ERBB3: variants seen among roughly 807,000 people sequenced by gnomAD.
ERBB3 encodes the protein receptor tyrosine-protein kinase erbB-3.
Under a neutral mutation model 156.7 loss-of-function variants are expected in ERBB3, and 96 were observed. The ratio of observed to expected loss-of-function variants is 0.61; its 90% confidence interval spans 0.52 to 0.73. ERBB3 has a LOEUF of 0.73. Among genes scored for constraint, ERBB3 ranks in the 30% least tolerant of loss-of-function variants. The probability of loss-of-function intolerance (pLI) is 0.00; values close to 1 mark genes in which losing one functional copy is unlikely to be tolerated. For synonymous variants in ERBB3, 567 were observed against 632.0 expected (o/e 0.90, Z 1.54); for missense variants, 1,406 against 1,709.4 (o/e 0.82, Z 3.13).
chr12:56,080,348 G>A lies in ERBB3; in HGVS notation c.48G>A (p.Leu16=). ...ALQVLGLLFS[L]ARGSEVGNSQ... ...AGGTGCTGGGCTTGCTTTTCAGCCT[G>A]GCCCGGGGCTCCGAGGTGGGCAACT... Residue 16 remains leucine (L), a synonymous_variant, in exon 1 of 28, where the codon CTG becomes CTA. Transcript: ENST00000267101. The A allele has an allele frequency of 6.3e-7, 1 of 1,593,856 alleles. No individual in the cohort carries two copies. The highest frequency in any genetic ancestry group is 1.1e-5 in the South Asian group (1 of 88,208).
Position 56,097,028 on chromosome 12 carries a change from C to T in ERBB3, c.2275-17C>T, listed in dbSNP as rs200173838. Reference sequence around the variant, plus strand: ...GAACCTGTTGGTTTCCTAGATAATACCTTTTGTGTCTCTTAGCATATGCTG... The same window carrying T: ...GAACCTGTTGGTTTCCTAGATAATATCTTTTGTGTCTCTTAGCATATGCTG... On this transcript the variant is annotated splice_polypyrimidine_tract_variant and intron_variant, in intron 19 of 27. Coordinates refer to ENST00000267101, the MANE Select transcript of ERBB3 (RefSeq NM_001982.4). 2 of 1,613,308 alleles carry T rather than the reference C, an allele frequency of 1.2e-6. No homozygotes were observed. Among genetic ancestry groups the T allele is most frequent in the East Asian group, 2.2e-5 (1 of 44,878 alleles).
intron 5 of ERBB3, 67 bp downstream of exon 5, chr12:56,087,709 G>T (rs1490471575): frequency 7.5e-6 from 12 of 1,592,358 alleles, no homozygotes; most frequent in Non-Finnish European, 1.0e-5. Context: ...CCCAAGCCTG[G>T]GTCAACACTG....
At chr12:56,092,679 G>C in intron 9 of ERBB3, 68 bp from the exon 10 acceptor site, 2 of 1,061,946 alleles carry the variant, frequency 1.9e-6, no homozygotes, top group Non-Finnish European at 3.0e-6. Context: ...AAATGCTGAG[G>C]CTGGGTGTGC....
rs112650407 is a variant in ERBB3 at position 56,098,176 on chromosome 12, G to A, written c.2616+236G>A. The A allele has an allele frequency of 1.8e-3, 1,043 of 567,622 alleles. 7 individuals are homozygous for A. Among genetic ancestry groups the A allele is most frequent in the African/African-American group, 0.014 (753 of 53,360 alleles). 35.2% of individuals were successfully genotyped at this position (567,622 alleles called of 1,614,324 possible). On this transcript the variant is annotated intron_variant, in intron 21 of 27. Transcript: ENST00000267101. ...TCCCAACACTTCGGGAGGCCAAGGCGGGTGGATCACAAGGTCAGGAGATCA... is the reference window on the plus strand; with the variant it reads ...TCCCAACACTTCGGGAGGCCAAGGCAGGTGGATCACAAGGTCAGGAGATCA...
intron 9 of ERBB3, among the ~76,000 whole-genome samples, chr12:56,091,283 T>TATATATATATAATATATATAAATATAA (rs1868678996): frequency 7.7e-5 from 4 of 51,756 alleles, no homozygotes; most frequent in Non-Finnish European, 1.7e-4. Context: ...TATATATATA[T>TATATATATATAATATATATAAATATAA]ATATATATAT....
chr12:56,086,576 G>C lies in ERBB3; in HGVS notation c.467G>C (p.Cys156Ser), dbSNP rs2136791415. 3 of 1,614,056 alleles carry C rather than the reference G, an allele frequency of 1.9e-6. No homozygotes were observed. The highest frequency in any genetic ancestry group is 2.5e-6 in the Non-Finnish European group (3 of 1,179,982). Residue 156 changes from cysteine (C) to serine (S), a missense_variant, in exon 4 of 28, where the codon TGT becomes TCT. Cys to Ser is a moderately radical substitution (Grantham distance 112, BLOSUM62 -1). This residue lies in a region of ERBB3 where 979 missense variants were observed against 1,219.6 expected (regional missense o/e 0.80). Coordinates refer to ENST00000267101, the MANE Select transcript of ERBB3 (RefSeq NM_001982.4). ...TATATTGAGAAGAACGATAAGCTTT[G>C]TCACATGGACACAATTGACTGGAGG... is the stretch of plus-strand genomic sequence containing the variant. The part of the protein sequence containing the change: ...GVYIEKNDKL[C>S]HMDTIDWRDI...
rs2136826210 is a variant in ERBB3, at chr12:56,099,980, T to C, written c.3080T>C (p.Leu1027Pro). ...AEEDNLATTTLGSALSLPVGT... is the reference protein window; with the variant it reads ...AEEDNLATTTPGSALSLPVGT... ...GAGGACAACCTGGCAACCACCACAC[T>C]GGGCTCCGCCCTCAGCCTACCAGTT... Residue 1027 changes from leucine to proline, a missense_variant, in exon 25 of 28, where the codon CTG (leucine) becomes CCG (proline). Leu to Pro is a moderately conservative substitution (Grantham distance 98). Coordinates refer to ENST00000267101, the MANE Select transcript of ERBB3 (RefSeq NM_001982.4). 1.2e-6 allele frequency: 2 copies of C among 1,614,226 alleles called. No homozygotes were observed. The highest frequency in any genetic ancestry group is 1.7e-6 in the Non-Finnish European group (2 of 1,180,036).
chr12:56,095,113 G>A, intron 15 of ERBB3, 144 bp from the exon 16 acceptor site: 2 of 711,590 alleles, frequency 2.8e-6, no homozygotes, highest in East Asian at 2.7e-5. Context: ...TGAGCTGGAG[G>A]TGGAGGCCAT....
At chr12:56,096,715 A>T in intron 18 of ERBB3, 33 bp from the exon 19 acceptor site, 1 of 1,612,446 alleles carries the variant, frequency 6.2e-7, no homozygotes, top group Non-Finnish European at 8.5e-7. Context: ...AGGGAGAATG[A>T]CCTTATGCCA....
Position 56,103,399 on chromosome 12 carries a change from C to T in ERBB3, c.*1344C>T, listed in dbSNP as rs1465595695. On this transcript the variant is annotated 3_prime_UTR_variant, in exon 28 of 28. Coordinates refer to ENST00000267101, the MANE Select transcript of ERBB3 (RefSeq NM_001982.4). ...AAAAGATCCAGCTTCAGCTGCACACCTCTGTCCCCTTGGATGGGGAACTAA... is the reference window on the plus strand; with the variant it reads ...AAAAGATCCAGCTTCAGCTGCACACTTCTGTCCCCTTGGATGGGGAACTAA... The T allele has an allele frequency of 4.6e-5, 10 of 217,478 alleles. No individual in the cohort carries two copies. The highest frequency in any genetic ancestry group is 4.1e-4 in the East Asian group (6 of 14,730). 13.5% of individuals were successfully genotyped at this position (217,478 alleles called of 1,614,324 possible). A position where few individuals can be genotyped will look rare whatever the true frequency, so the allele number is the denominator to read the frequency against.
chr12:56,097,326 C>A, intron 20 of ERBB3, 96 bp downstream of exon 20: 1 of 1,213,896 alleles, frequency 8.2e-7, no homozygotes, highest in Non-Finnish European at 1.2e-6. Context: ...AGGTGAGGTC[C>A]CCAACCCCCG....
At chr12:56,091,316 A>AAC (rs1868690253) in intron 9 of ERBB3, among the ~76,000 whole-genome samples, 5 of 29,272 alleles carry the variant, frequency 1.7e-4, no homozygotes, top group Admixed American at 3.9e-4. Flanking sequence ...TATAAATATA[A>AAC]ATATATATAT....
At chr12:56,085,230 A>G in intron 3 of ERBB3, 49 bp downstream of exon 3, 1 of 1,613,920 alleles carries the variant, frequency 6.2e-7, no homozygotes, top group South Asian at 1.1e-5. Flanking sequence ...CCAGCCCAAG[A>G]CTGGTACCTC....
chr12:56,099,857 T>G lies in ERBB3; in HGVS notation c.2957T>G (p.Ile986Arg), dbSNP rs776317437. The change falls in exon 25 of 28, where the codon ATA becomes AGA. Residue 986 changes from isoleucine (I) to arginine (R), a missense_variant. Physicochemically the swap from Ile to Arg is moderately conservative, Grantham distance 97 (BLOSUM62 -3). Around this residue, in one of 3 missense-constraint regions of ERBB3, gnomAD observed 12 missense variants for 35.8 expected, o/e 0.34. Transcript: ENST00000267101. Reference protein sequence around the residue: ...LVIKRESGPGIAPGPEPHGLT... With the variant: ...LVIKRESGPGRAPGPEPHGLT... Reference sequence around the variant, plus strand: ...ATATAGAGAGAGAGTGGGCCTGGAATAGCCCCTGGGCCAGAGCCCCATGGT... The same window carrying G: ...ATATAGAGAGAGAGTGGGCCTGGAAGAGCCCCTGGGCCAGAGCCCCATGGT... 6.2e-7 allele frequency: 1 copy of G among 1,614,054 alleles called. No homozygotes were observed.
intron 9 of ERBB3, among the ~76,000 whole-genome samples, chr12:56,091,987 T>C (rs1488184031): frequency 1.3e-5 from 2 of 150,928 alleles, no homozygotes; most frequent in African/African-American, 2.4e-5. Flanking sequence ...AGTGGGAAAA[T>C]TGCTTGGGCC....
chr12:56,095,976 G>T, intron 17 of ERBB3, 170 bp downstream of exon 17: 2 of 731,030 alleles, frequency 2.7e-6, no homozygotes, highest in Non-Finnish European at 2.3e-6. Flanking sequence ...CAAGGAAGTA[G>T]TGTGGTCCCC....
At chr12:56,081,507 G>A (rs1252600672) in intron 1 of ERBB3, among the ~76,000 whole-genome samples, 5 of 152,126 alleles carry the variant, frequency 3.3e-5, no homozygotes, top group African/African-American at 1.2e-4. Flanking sequence ...TTTAGATCCT[G>A]GGATTTTTAG....
rs1033319813 is a variant in ERBB3 at position 56,095,157 on chromosome 12, T to C, written c.1860-100T>C. 14 of 912,974 alleles carry C rather than the reference T, an allele frequency of 1.5e-5. No individual in the cohort carries two copies. In the African/African-American group the frequency reaches 2.3e-4, roughly 15 times the overall value. The allele number at this position is 912,974 out of a possible 1,614,324, so 56.6% of individuals were successfully genotyped here. A position where few individuals can be genotyped will look rare whatever the true frequency, so the allele number is the denominator to read the frequency against. ...ATCAGCTCTGGGCTCCAGGATGGGATGCCACGGTAAGTTCTGAAACAAGCT... is the reference window on the plus strand; with the variant it reads ...ATCAGCTCTGGGCTCCAGGATGGGACGCCACGGTAAGTTCTGAAACAAGCT... On this transcript the variant is annotated intron_variant, in intron 15 of 27. Transcript: ENST00000267101.
Position 56,093,096 on chromosome 12 carries a change from G to A in ERBB3, c.1274+20G>A, listed in dbSNP as rs747884274. ...CTACAAGTGAGTAAAGGGTATGGAG[G>A]AAATGGCATCTTCAGGCAATGAAGC... is the stretch of plus-strand genomic sequence containing the variant. On this transcript the variant is annotated intron_variant, in intron 11 of 27. Coordinates refer to ENST00000267101, the MANE Select transcript of ERBB3 (RefSeq NM_001982.4). The A allele has an allele frequency of 6.4e-7, 1 of 1,559,086 alleles. No individual in the cohort carries two copies. The highest frequency in any genetic ancestry group is 8.9e-7 in the Non-Finnish European group (1 of 1,129,748).
Sources: allele counts gnomAD v4.1 joint callset (sites outside exome capture counted in the v4.1 genomes callset), GRCh38; gene constraint gnomAD v4.1.1; regional missense constraint gnomAD v4.1.1; transcripts MANE v1.5; gene names NCBI Gene and HGNC (gene_info 2026-07-23, HGNC 2026-07-21).